GABRG3: variants seen among roughly 807,000 people sequenced by gnomAD.
The protein encoded by GABRG3 is gamma-aminobutyric acid type A receptor subunit gamma3.
Under a neutral mutation model 48.8 loss-of-function variants are expected in GABRG3, and 25 were observed. The ratio of observed to expected loss-of-function variants is 0.51; its 90% CI spans 0.37 to 0.72. GABRG3 has a LOEUF of 0.72. Ranked by LOEUF, GABRG3 falls within the 30% of genes least tolerant of loss-of-function variation. GABRG3 has a pLI of 0.00. For missense variants in GABRG3, 394 were observed against 577.9 expected, an observed-to-expected ratio of 0.68 and a Z score of 3.26; for synonymous variants, 227 against 217.6, an observed-to-expected ratio of 1.04 and a Z score of -0.38.
intron 3 of GABRG3, among the ~76,000 whole-genome samples, chr15:27,203,590 T>C (rs1295722648): frequency 6.6e-6 from 1 of 152,166 alleles, no homozygotes; most frequent in Non-Finnish European, 1.5e-5. Context: ...AATTATAGTC[T>C]GTTTTAAGTT....
chr15:27,132,724 T>C (rs1897941747), intron 3 of GABRG3, among the ~76,000 whole-genome samples: 1 of 151,584 alleles, frequency 6.6e-6, no homozygotes, highest in African/African-American at 2.4e-5. Flanking sequence ...TAGGTAAAAA[T>C]TTATCAATTT....
At chr15:27,154,255 C>A (rs1418197172) in intron 3 of GABRG3, among the ~76,000 whole-genome samples, 2 of 152,118 alleles carry the variant, frequency 1.3e-5, no homozygotes, top group Non-Finnish European at 2.9e-5. Flanking sequence ...ATGATCAAAT[C>A]TGTCTTTTAG....
At chr15:27,084,470 C>G (rs1428995482) in intron 3 of GABRG3, among the ~76,000 whole-genome samples, 2 of 152,132 alleles carry the variant, frequency 1.3e-5, no homozygotes, top group African/African-American at 2.4e-5. Flanking sequence ...AGTCTTTAAC[C>G]CAAGGTTCTT....
chr15:27,324,659 G>T (rs1057351381), intron 3 of GABRG3, among the ~76,000 whole-genome samples: 2 of 152,184 alleles, frequency 1.3e-5, no homozygotes, highest in Admixed American at 6.5e-5. Flanking sequence ...CTGACTTGTG[G>T]TTCCTTTGGC....
intron 2 of GABRG3, among the ~76,000 whole-genome samples, chr15:26,997,254 T>A (rs529727113): frequency 3.6e-4 from 55 of 152,314 alleles, no homozygotes; most frequent in African/African-American, 1.3e-3. Context: ...TTAGATATGG[T>A]TTCCTTGAGT....
intron 5 of GABRG3, among the ~76,000 whole-genome samples, chr15:27,433,174 G>C (rs1888506804): frequency 6.6e-6 from 1 of 152,180 alleles, no homozygotes; most frequent in South Asian, 2.1e-4. Flanking sequence ...TCCTCAAAAT[G>C]CTTCTAGTTT....
chr15:27,185,465 A>G (rs1464787389), intron 3 of GABRG3, among the ~76,000 whole-genome samples: 1 of 152,178 alleles, frequency 6.6e-6, no homozygotes, highest in African/African-American at 2.4e-5. Flanking sequence ...GATATGGTAT[A>G]TCTTGGTAAA....
rs1180504816 is a variant in GABRG3, at chr15:27,179,939, A to C, written c.271-146870A>C. On this transcript the variant is annotated intron_variant, in intron 3 of 9. Coordinates refer to ENST00000615808, the MANE Select transcript of GABRG3 (RefSeq NM_033223.5). This position sits in a 1 kb window ranked among gnomAD's most constrained non-coding sequence, Gnocchi z 4.0. ...CTTGATTCACAGTTCATCGCCTCCTAGATGAGGCTGGGCGTGGCTCTGAAG... is the reference window on the plus strand; with the variant it reads ...CTTGATTCACAGTTCATCGCCTCCTCGATGAGGCTGGGCGTGGCTCTGAAG... 6.6e-6 allele frequency among the ~76,000 whole-genome samples: 1 copy of C among 152,164 alleles called. No individual in the cohort carries two copies. Among genetic ancestry groups the C allele is most frequent in the African/African-American group, 2.4e-5 (1 of 41,450 alleles).
intron 3 of GABRG3, among the ~76,000 whole-genome samples, chr15:27,238,639 T>C (rs1890046677): frequency 6.6e-6 from 1 of 152,258 alleles, no homozygotes; most frequent in African/African-American, 2.4e-5. Flanking sequence ...TAGGTCTGTG[T>C]GTGACATGTA....
intron 5 of GABRG3, among the ~76,000 whole-genome samples, chr15:27,378,111 GA>G (rs75439003): frequency 5.1e-4 from 73 of 144,374 alleles, no homozygotes; most frequent in Middle Eastern, 3.5e-3. Flanking sequence ...CCTACGGAAA[GA>G]AAAAAAAAAA....
chr15:27,437,514 AT>A (rs1213962864), intron 5 of GABRG3, among the ~76,000 whole-genome samples: 2 of 152,132 alleles, frequency 1.3e-5, no homozygotes, highest in South Asian at 2.1e-4. Flanking sequence ...CAGTAGAAGC[AT>A]TTTTTTTCCA....
intron 3 of GABRG3, among the ~76,000 whole-genome samples, chr15:27,302,030 A>C (rs1367605588): frequency 1.3e-5 from 2 of 152,138 alleles, no homozygotes; most frequent in Non-Finnish European, 2.9e-5. Context: ...GACCATCCTT[A>C]AAAATTACAC....
At chr15:27,481,163 G>A (rs758837891) in intron 6 of GABRG3, 4 of 1,029,656 alleles carry the variant, frequency 3.9e-6, no homozygotes, top group Non-Finnish European at 4.7e-6. Flanking sequence ...AGAAGCTGGT[G>A]TGATATGTCC....
intron 3 of GABRG3, among the ~76,000 whole-genome samples, chr15:27,249,868 A>G (rs1422281828): frequency 6.6e-6 from 1 of 152,196 alleles, no homozygotes; most frequent in Non-Finnish European, 1.5e-5. Flanking sequence ...AATTAGGTGC[A>G]TTAAGATAAT....
intron 5 of GABRG3, among the ~76,000 whole-genome samples, chr15:27,360,186 G>T (rs1308384881): frequency 6.6e-6 from 1 of 152,146 alleles, no homozygotes; most frequent in Non-Finnish European, 1.5e-5. Context: ...CTTCTCCAAG[G>T]GCTATGGCTG....
chr15:27,446,387 G>A (rs200658136), intron 5 of GABRG3, among the ~76,000 whole-genome samples: 89 of 152,204 alleles, frequency 5.8e-4, no homozygotes, highest in Admixed American at 3.5e-3. Context: ...ACACCAGACC[G>A]ACCCCTGAAA....
intron 3 of GABRG3, among the ~76,000 whole-genome samples, chr15:27,237,459 C>CCG (rs1479623474): frequency 4.5e-4 from 68 of 152,184 alleles, no homozygotes; most frequent in Non-Finnish European, 9.3e-4. Context: ...AGAGGCTGAG[C>CCG]TGGACCTCAC....
chr15:26,973,040 C>G (rs911655661), intron 1 of GABRG3, among the ~76,000 whole-genome samples: 3 of 152,206 alleles, frequency 2.0e-5, no homozygotes, highest in African/African-American at 7.2e-5. Context: ...AGGCAGACAG[C>G]ACCGGGCATA....
chr15:27,062,723 A>T (rs1391084741), intron 3 of GABRG3, among the ~76,000 whole-genome samples: 2 of 152,316 alleles, frequency 1.3e-5, no homozygotes, highest in South Asian at 4.1e-4. Flanking sequence ...ACAATCCTTT[A>T]ACCAGATGTT....
Sources: allele counts gnomAD v4.1 joint callset (sites outside exome capture counted in the v4.1 genomes callset), GRCh38; gene constraint gnomAD v4.1.1; non-coding constraint Gnocchi (gnomAD v3.1); transcripts MANE v1.5; gene names NCBI Gene and HGNC (gene_info 2026-07-23, HGNC 2026-07-21).